Variants in SPDYA observed in about 807,000 individuals in gnomAD.
SPDYA encodes the protein speedy/RINGO cell cycle regulator family member A.
Under a neutral mutation model 36.7 loss-of-function variants are expected in SPDYA, and 11 were observed. That is an observed-to-expected ratio of 0.30 (90% CI 0.19 to 0.50). The LOEUF (loss-of-function observed/expected upper bound fraction) is 0.50. SPDYA is among the 20% of genes least tolerant of loss of function. The probability of loss-of-function intolerance (pLI) is 0.98; values close to 1 mark genes in which losing one functional copy is unlikely to be tolerated. For missense variants in SPDYA, 287 were observed against 370.9 expected, an observed-to-expected ratio of 0.77 and a Z score of 1.86; for synonymous variants, 115 against 118.7, an observed-to-expected ratio of 0.97 and a Z score of 0.20.
intron 5 of SPDYA, among the ~76,000 whole-genome samples, chr2:28,824,924 A>G (rs985428562): frequency 2.0e-5 from 3 of 152,200 alleles, no homozygotes; most frequent in African/African-American, 7.2e-5. Context: ...AAAATTTAGG[A>G]TGATTGCTAA....
Position 28,849,928 on chromosome 2 carries a change from G to C in SPDYA, c.929G>C (p.Gly310Ala). 1.3e-6 allele frequency: 2 copies of C among 1,590,452 alleles called. No homozygotes were observed. The highest frequency in any genetic ancestry group is 4.5e-5 in the East Asian group (2 of 44,504). The stretch of plus-strand genomic sequence containing the variant: ...GACAAATCTATGGAGTGGTTTACAG[G>C]AAGTGAAGAATGAGATGGCCCAACT... The part of the protein sequence containing the change: ...KKDKSMEWFT[G>A]SEE The change falls in exon 8 of 8, where the codon GGA becomes GCA. Residue 310 changes from glycine (G) to alanine (A), a missense_variant. Physicochemically the swap from Gly to Ala is moderately conservative, Grantham distance 60 (BLOSUM62 0). Transcript: ENST00000334056.
At chr2:28,820,520 A>G (rs1334510800) in intron 4 of SPDYA, among the ~76,000 whole-genome samples, 1 of 152,106 alleles carries the variant, frequency 6.6e-6, no homozygotes, top group East Asian at 1.9e-4. Flanking sequence ...CAGAAGGCAG[A>G]GGTTGCAGTG....
intron 6 of SPDYA, among the ~76,000 whole-genome samples, chr2:28,829,960 G>A (rs66516314): frequency 0.71 from 52,748 of 74,158 alleles, 16,930 homozygotes; most frequent in Middle Eastern, 0.76. Flanking sequence ...AAAAAAAAAA[G>A]AAAAGAAAAG....
At chr2:28,840,851 C>A in intron 7 of SPDYA, 1 of 842,682 alleles carries the variant, frequency 1.2e-6, no homozygotes, top group Non-Finnish European at 1.4e-6. Flanking sequence ...AAAATTAGAA[C>A]CATACTATAT....
intron 7 of SPDYA, chr2:28,840,858 A>G (rs1668732032): frequency 3.8e-6 from 3 of 789,558 alleles, no homozygotes; most frequent in Non-Finnish European, 4.6e-6. Context: ...GAACCATACT[A>G]TATATCTAGG....
intron 6 of SPDYA, among the ~76,000 whole-genome samples, chr2:28,829,796 T>C (rs1668429103): frequency 6.6e-6 from 1 of 151,676 alleles, no homozygotes; most frequent in Non-Finnish European, 1.5e-5. Flanking sequence ...CAAAAAAAAT[T>C]AGCCGGGCGT....
chr2:28,830,601 G>T (rs1001550937), intron 6 of SPDYA, among the ~76,000 whole-genome samples: 1 of 152,068 alleles, frequency 6.6e-6, no homozygotes, highest in Admixed American at 6.6e-5. Flanking sequence ...TCTTATTTAG[G>T]ATTACAATAA....
Position 28,827,493 on chromosome 2 carries a change from T to TA in SPDYA, c.381-1654dup, listed in dbSNP as rs568375380. ...ATTACTTTCAGATTTCAGGGTCTGTTACTGTTCTTGGTACCTTGTTCCCTT... is the reference window on the plus strand; with the variant it reads ...ATTACTTTCAGATTTCAGGGTCTGTTAACTGTTCTTGGTACCTTGTTCCCTT... On this transcript the variant is annotated intron_variant, in intron 5 of 7. Transcript: ENST00000334056. Among the ~76,000 whole-genome samples the TA allele has an allele frequency of 1.3e-3, 204 of 152,346 alleles. 1 individual carries two copies. The highest frequency in any genetic ancestry group is 2.4e-3 in the Non-Finnish European group (160 of 68,028).
chr2:28,835,243 T>G (rs1161731119), intron 6 of SPDYA, among the ~76,000 whole-genome samples: 1 of 150,570 alleles, frequency 6.6e-6, no homozygotes, highest in Non-Finnish European at 1.5e-5. Context: ...TTTTTTTTTT[T>G]AAGACAGAGT....
rs1668722358 is a variant in SPDYA, at chr2:28,840,441, T to A, written c.822T>A (p.Asp274Glu). 6.2e-7 allele frequency: 1 copy of A among 1,613,926 alleles called. No homozygotes were observed. ...YNSLSMDIIG[D>E]PSQAYTGSEV... ...CACTGTCAATGGACATAATAGGTGA[T>A]CCTTCTCAAGCTTATACTGGTTCTG... The change falls in exon 7 of 8, where the codon GAT becomes GAA. Residue 274 changes from aspartate to glutamate, a missense_variant. Coordinates refer to ENST00000334056, the MANE Select transcript of SPDYA (RefSeq NM_182756.4).
chr2:28,821,663 T>C (rs1247958253), intron 4 of SPDYA, among the ~76,000 whole-genome samples: 1 of 152,228 alleles, frequency 6.6e-6, no homozygotes, highest in African/African-American at 2.4e-5. Flanking sequence ...GCAAATCCTG[T>C]TACAATAGGA....
chr2:28,819,189 T>G (rs1436391308), intron 4 of SPDYA, 83 bp downstream of exon 4: 1 of 1,047,634 alleles, frequency 9.5e-7, no homozygotes, highest in Admixed American at 2.2e-5. Flanking sequence ...TTATAAGAAT[T>G]TTCTATCTTA....
At chr2:28,843,897 C>T (rs1344566356) in intron 7 of SPDYA, among the ~76,000 whole-genome samples, 1 of 152,024 alleles carries the variant, frequency 6.6e-6, no homozygotes, top group Non-Finnish European at 1.5e-5. Context: ...GACGCCTGGG[C>T]TGGTCCATGT....
Position 28,850,416 on chromosome 2 carries a change from A to G in SPDYA, c.*475A>G. On this transcript the variant is annotated 3_prime_UTR_variant, in exon 8 of 8. Coordinates refer to ENST00000334056, the MANE Select transcript of SPDYA (RefSeq NM_182756.4). ...CAGAATGCGATTCTTCTGTTGTAAA[A>G]AAATATATGTACTATAAGCTACATA... The G allele has an allele frequency of 6.4e-7, 1 of 1,557,242 alleles. No homozygotes were observed. The highest frequency in any genetic ancestry group is 8.8e-7 in the Non-Finnish European group (1 of 1,134,238).
rs1668108404 is a variant in SPDYA at position 28,819,852 on chromosome 2, ATATATATATATATATATATATATATAT to A, written c.294+747_294+773del. On this transcript the variant is annotated intron_variant, in intron 4 of 7. Coordinates refer to ENST00000334056, the MANE Select transcript of SPDYA (RefSeq NM_182756.4). The stretch of plus-strand genomic sequence containing the variant: ...AAAAAAAAAAAAAAAAAAAAAAAAT[ATATATATATATATATATATATATATAT>A]ATATATATATATATATATATATATT... Among the ~76,000 whole-genome samples, 29 of 5,850 alleles carry A rather than the reference ATATATATATATATATATATATATATAT, an allele frequency of 5.0e-3. 7 individuals are homozygous for A. The highest frequency in any genetic ancestry group is 8.8e-3 in the Admixed American group (2 of 226). 3.8% of individuals were successfully genotyped at this position (5,850 alleles called of 152,430 possible).
chr2:28,812,470 AAAG>A (rs1667870458), intron 1 of SPDYA, among the ~76,000 whole-genome samples: 1 of 36,908 alleles, frequency 2.7e-5, no homozygotes, highest in African/African-American at 8.1e-5. Context: ...ACCAAAAAAA[AAAG>A]AAAGAAAGAA....
chr2:28,848,732 G>A (rs1035227899), intron 7 of SPDYA, among the ~76,000 whole-genome samples: 2 of 152,262 alleles, frequency 1.3e-5, no homozygotes, highest in Non-Finnish European at 2.9e-5. Flanking sequence ...TACCCTCCAA[G>A]GCATTACTAT....
chr2:28,842,933 C>T (rs1231528516), intron 7 of SPDYA, among the ~76,000 whole-genome samples: 2 of 152,114 alleles, frequency 1.3e-5, no homozygotes, highest in Non-Finnish European at 2.9e-5. Flanking sequence ...TCCTCCATTC[C>T]ACCTAAGATT....
chr2:28,835,635 C>G (rs59092711), intron 6 of SPDYA, among the ~76,000 whole-genome samples: 1 of 152,156 alleles, frequency 6.6e-6, no homozygotes, highest in Admixed American at 6.5e-5. Flanking sequence ...ACTTCCAATT[C>G]TTTTTCATAC....
Sources: gnomAD v4.1 joint callset for allele counts (sites outside exome capture counted in the v4.1 genomes callset) on GRCh38, gnomAD v4.1.1 for gene constraint, MANE v1.5 for transcripts, NCBI Gene and HGNC (gene_info 2026-07-23, HGNC 2026-07-21) for gene names.